Variants in DSP observed in about 807,000 individuals in gnomAD.
The protein encoded by DSP is 250/210 kDa paraneoplastic pemphigus antigen.
Under a neutral mutation model 290.6 loss-of-function variants are expected in DSP, and 114 were observed. The observed-to-expected ratio is 0.39, with a 90% CI of 0.34 to 0.46. DSP has a LOEUF of 0.46. Among genes scored for constraint, DSP ranks in the 20% least tolerant of loss-of-function variants. The pLI is 0.99. For missense variants in DSP, 3,230 were observed against 3,495.8 expected, an observed-to-expected ratio of 0.92 and a Z score of 1.92; for synonymous variants, 1,311 against 1,316.4, an observed-to-expected ratio of 1.00 and a Z score of 0.09.
chr6:7,556,729 T>G (rs12207400), intron 2 of DSP, among the ~76,000 whole-genome samples: 22,329 of 152,222 alleles, frequency 0.15, 1,788 homozygotes, highest in Non-Finnish European at 0.17. Flanking sequence ...CTTCATCCAG[T>G]TAAAAAAAGA....
At chr6:7,566,033 G>A (rs531047817) in intron 7 of DSP, among the ~76,000 whole-genome samples, 5 of 152,262 alleles carry the variant, frequency 3.3e-5, no homozygotes, top group Admixed American at 3.3e-4. Flanking sequence ...CCAGAAGACC[G>A]TAGTTTGTTT....
chr6:7,566,805 A>T (rs1315600323), intron 8 of DSP, among the ~76,000 whole-genome samples: 1 of 152,234 alleles, frequency 6.6e-6, no homozygotes, highest in Non-Finnish European at 1.5e-5. Context: ...AGTGGGCCAC[A>T]TGTGGCCCTT....
At chr6:7,558,912 C>T (rs1018934062) in intron 3 of DSP, among the ~76,000 whole-genome samples, 1 of 152,146 alleles carries the variant, frequency 6.6e-6, no homozygotes, top group African/African-American at 2.4e-5. Context: ...ATTTGTTCTA[C>T]TACTACCTGG....
At chr6:7,562,232 C>T (rs969717747) in intron 4 of DSP, among the ~76,000 whole-genome samples, 1 of 151,986 alleles carries the variant, frequency 6.6e-6, no homozygotes, top group Non-Finnish European at 1.5e-5. Context: ...GTTTGGGGAA[C>T]AGTGTATGAT....
chr6:7,565,414 C>T lies in DSP; in HGVS notation c.833C>T (p.Ala278Val). 6.2e-7 allele frequency: 1 copy of T among 1,614,120 alleles called. No homozygotes were observed. Residue 278 changes from alanine (A) to valine (V), a missense_variant, in exon 7 of 24, where the codon GCC becomes GTC. Ala to Val is a moderately conservative substitution (Grantham distance 64). This residue lies in a region of DSP where 646 missense variants were observed against 684.3 expected (regional missense o/e 0.94). Coordinates refer to ENST00000379802, the MANE Select transcript of DSP (RefSeq NM_004415.4). The surrounding 1 kb of genome is among the most constrained non-coding windows in gnomAD (Gnocchi z 4.2). ...HLRQLQNIIQ[A>V]TSREIMWIND... ...CGACAGCTGCAGAACATCATTCAGG[C>T]CACGTCCAGGGAGATCATGTGGATC...
At chr6:7,560,984 C>T (rs1338083417) in intron 4 of DSP, among the ~76,000 whole-genome samples, 3 of 149,942 alleles carry the variant, frequency 2.0e-5, no homozygotes, top group Admixed American at 6.6e-5. Context: ...GGGAGTCTCA[C>T]TCTGTTGCCC....
Position 7,585,013 on chromosome 6 carries a change from G to A in DSP, c.7751G>A (p.Ser2584Asn), listed in dbSNP as rs1186385876. The A allele has an allele frequency of 2.5e-6, 4 of 1,614,078 alleles. No individual in the cohort carries two copies. Among genetic ancestry groups the A allele is most frequent in the Non-Finnish European group, 3.4e-6 (4 of 1,180,046 alleles). Reference sequence around the variant, plus strand: ...GGTGTCAGCGATGATGTTTTTAGCAGCTCCCGACATGAATCAGTAAGTAAG... The same window carrying A: ...GGTGTCAGCGATGATGTTTTTAGCAACTCCCGACATGAATCAGTAAGTAAG... ...GSGVSDDVFSSSRHESVSKIS... is the reference protein window; with the variant it reads ...GSGVSDDVFSNSRHESVSKIS... Residue 2584 changes from serine (S) to asparagine (N), a missense_variant, in exon 24 of 24, where the codon AGC becomes AAC. By Grantham distance (46) the Ser-to-Asn change is conservative. Coordinates refer to ENST00000379802, the MANE Select transcript of DSP (RefSeq NM_004415.4).
chr6:7,553,715 G>A (rs1261696080), intron 1 of DSP, among the ~76,000 whole-genome samples: 2 of 152,182 alleles, frequency 1.3e-5, no homozygotes, highest in African/African-American at 4.8e-5. Context: ...TGTATAATTC[G>A]GAGTGGAAGA....
chr6:7,567,562 C>A, intron 9 of DSP, 113 bp downstream of exon 9: 1 of 1,210,088 alleles, frequency 8.3e-7, no homozygotes, highest in Non-Finnish European at 1.2e-6. Flanking sequence ...AAATCCTCTT[C>A]ATTGATTTTG....
In DSP at chr6:7,567,403, C is replaced by G. The variant is rs754577019; in HGVS notation, c.1094C>G (p.Thr365Ser). 2 of 1,614,004 alleles carry G rather than the reference C, an allele frequency of 1.2e-6. No individual in the cohort carries two copies. The highest frequency in any genetic ancestry group is 1.7e-6 in the Non-Finnish European group (2 of 1,180,020). Residue 365 changes from threonine (T) to serine (S), a missense_variant, in exon 9 of 24, where the codon ACC becomes AGC. By Grantham distance (58) the Thr-to-Ser change is moderately conservative. Around this residue, in one of 5 missense-constraint regions of DSP, gnomAD observed 646 missense variants for 684.3 expected, o/e 0.94. Transcript: ENST00000379802. The part of the protein sequence containing the change: ...QTQWSWILQI[T>S]KCIDVHLKEN... The stretch of plus-strand genomic sequence containing the variant: ...CAGTGGAGTTGGATTCTTCAGATCA[C>G]CAAGTGCATTGATGTTCATCTGAAA...
At chr6:7,561,042 C>T (rs1167228663) in intron 4 of DSP, among the ~76,000 whole-genome samples, 2 of 151,824 alleles carry the variant, frequency 1.3e-5, no homozygotes, top group African/African-American at 4.8e-5. Flanking sequence ...ACCTCTATCT[C>T]CCGGGTTCAA....
At chr6:7,551,266 G>T (rs1758333856) in intron 1 of DSP, among the ~76,000 whole-genome samples, 1 of 152,018 alleles carries the variant, frequency 6.6e-6, no homozygotes, top group Admixed American at 6.5e-5. Flanking sequence ...ATCTAAAATT[G>T]TGTAGTCAAT....
chr6:7,570,215 TGTA>T (rs1561689257), intron 12 of DSP, among the ~76,000 whole-genome samples: 1 of 152,170 alleles, frequency 6.6e-6, no homozygotes, highest in African/African-American at 2.4e-5. Flanking sequence ...AACAAAAAGT[TGTA>T]GTATATATGT....
chr6:7,552,882 A>T (rs917650705), intron 1 of DSP, among the ~76,000 whole-genome samples: 2 of 150,766 alleles, frequency 1.3e-5, no homozygotes, highest in Non-Finnish European at 3.0e-5. Flanking sequence ...ACTGTGGTAT[A>T]ACTAATCAGT....
intron 1 of DSP, among the ~76,000 whole-genome samples, chr6:7,543,589 G>C (rs2744390): frequency 0.023 from 3,477 of 151,968 alleles, 122 homozygotes; most frequent in African/African-American, 0.079. Context: ...ATTTTCTCCC[G>C]CAGTCCTCCA....
In DSP at chr6:7,583,711, C is replaced by G. The variant is rs1487798502; in HGVS notation, c.6449C>G (p.Ala2150Gly). The change falls in exon 24 of 24, where the codon GCC (alanine) becomes GGC (glycine). Residue 2150 changes from alanine (A) to glycine (G), a missense_variant. Physicochemically the swap from Ala to Gly is moderately conservative, Grantham distance 60. Transcript: ENST00000379802. This position sits in a 1 kb window ranked among gnomAD's most constrained non-coding sequence, Gnocchi z 4.0. ...TTTTTGCCAAAAGATGTCGCCTTGGCCCGGGGGCTGATTGATAGAGATTTG... is the reference window on the plus strand; with the variant it reads ...TTTTTGCCAAAAGATGTCGCCTTGGGCCGGGGGCTGATTGATAGAGATTTG... ...SVFLPKDVAL[A>G]RGLIDRDLYR... 2 of 1,613,912 alleles carry G rather than the reference C, an allele frequency of 1.2e-6. No homozygotes were observed. The highest frequency in any genetic ancestry group is 1.7e-6 in the Non-Finnish European group (2 of 1,180,020).
Position 7,579,791 on chromosome 6 carries a change from G to A in DSP, c.3601G>A (p.Glu1201Lys), listed in dbSNP as rs751566392. Residue 1201 changes from glutamate to lysine, a missense_variant, in exon 23 of 24, where the codon GAG (glutamate) becomes AAG (lysine). Glu to Lys is a moderately conservative substitution (Grantham distance 56). This residue lies in a region of DSP where 1,714 missense variants were observed against 1,844.5 expected (regional missense o/e 0.93). Coordinates refer to ENST00000379802, the MANE Select transcript of DSP (RefSeq NM_004415.4). This position sits in a 1 kb window ranked among gnomAD's most constrained non-coding sequence, Gnocchi z 4.1. ...GGCAAAGGTAAGAAACCACTATAAT[G>A]AGGAGATGAGTAATTTAAGGAACAA... ...ELAKVRNHYN[E>K]EMSNLRNKYE... The A allele has an allele frequency of 5.0e-6, 8 of 1,614,044 alleles. No individual in the cohort carries two copies. The East Asian group carries it at 1.3e-4, about 27-fold the overall frequency.
At chr6:7,560,620 T>C (rs1247254843) in intron 4 of DSP, among the ~76,000 whole-genome samples, 2 of 152,198 alleles carry the variant, frequency 1.3e-5, no homozygotes, top group African/African-American at 4.8e-5. Context: ...GCCAAATTTC[T>C]GTCTAGATCA....
Position 7,568,463 on chromosome 6 carries a change from C to A in DSP, c.1293C>A (p.Tyr431Ter). 6.2e-7 allele frequency: 1 copy of A among 1,614,110 alleles called. No homozygotes were observed. The highest frequency in any genetic ancestry group is 8.5e-7 in the Non-Finnish European group (1 of 1,180,026). Residue 431 changes from tyrosine to a stop codon, truncating the protein, a stop_gained, in exon 11 of 24, where the codon TAC (tyrosine) becomes TAA (stop). Transcript: ENST00000379802. LOFTEE classifies it high-confidence loss of function. ...AAGAACGAGAGAAAATCCTTGAATA[C>A]AAGCGTCAGGTGCAGAACTTGGTAA... Reference protein sequence around the residue: ...LEKEREKILEYKRQVQNLVNK... With the variant: ...LEKEREKILE
Sources: allele counts gnomAD v4.1 joint callset (sites outside exome capture counted in the v4.1 genomes callset), GRCh38; gene constraint gnomAD v4.1.1; regional missense constraint gnomAD v4.1.1; non-coding constraint Gnocchi (gnomAD v3.1); transcripts MANE v1.5; gene names NCBI Gene and HGNC (gene_info 2026-07-23, HGNC 2026-07-21).